CFAP20DC: variants seen among roughly 807,000 people sequenced by gnomAD.
The protein encoded by CFAP20DC is protein CFAP20DC.
Under a neutral mutation model 101.7 loss-of-function variants are expected in CFAP20DC, and 84 were observed. That is an observed-to-expected ratio of 0.83 (90% confidence interval 0.69 to 0.99). The LOEUF is 0.99. Ranked by LOEUF, CFAP20DC falls within the 50% of genes least tolerant of loss-of-function variation. The pLI is 0.00. For synonymous variants in CFAP20DC, 359 were observed against 351.2 expected, an observed-to-expected ratio of 1.02 and a Z score of -0.25; for missense variants, 1,007 against 970.3, an observed-to-expected ratio of 1.04 and a Z score of -0.50.
rs547023324 is a variant in CFAP20DC at position 59,041,534 on chromosome 3, G to A, written c.206-1905C>T. Among the ~76,000 whole-genome samples the A allele has an allele frequency of 5.3e-4, 80 of 152,054 alleles. 1 individual carries two copies. The highest frequency in any genetic ancestry group is 1.8e-3 in the African/African-American group (76 of 41,496). On this transcript the variant is annotated intron_variant, in intron 3 of 16. Transcript: ENST00000482387. ...TCCAGTGGCTTAGTATATTTAAACT[G>A]ACTATTCATGTCTACATTATATTTA...
At chr3:58,873,342 A>G (rs148484550) in intron 7 of CFAP20DC, among the ~76,000 whole-genome samples, 3 of 147,590 alleles carry the variant, frequency 2.0e-5, no homozygotes, top group Admixed American at 6.7e-5. Context: ...CTGGATAGCT[A>G]TGCTGGATGC....
At chr3:58,902,468 A>G (rs1471748467) in intron 6 of CFAP20DC, among the ~76,000 whole-genome samples, 1 of 152,118 alleles carries the variant, frequency 6.6e-6, no homozygotes, top group African/African-American at 2.4e-5. Context: ...TTCCCATCCT[A>G]GTGGGTATTA....
Position 58,881,385 on chromosome 3 carries a change from A to C in CFAP20DC, c.715+3160T>G, listed in dbSNP as rs937537744. On this transcript the variant is annotated intron_variant, in intron 7 of 16. Transcript: ENST00000482387. ...CCAGATCTGATTCTCTGGTTCATTT[A>C]AACCGGGGTCCCATTAATGAAAATA... Among the ~76,000 whole-genome samples the C allele has an allele frequency of 2.0e-5, 3 of 152,150 alleles. No homozygotes were observed. The South Asian group carries it at 6.2e-4, about 32-fold the overall frequency.
chr3:58,985,412 T>G (rs1450566757), intron 4 of CFAP20DC, among the ~76,000 whole-genome samples: 3 of 151,714 alleles, frequency 2.0e-5, no homozygotes, highest in Non-Finnish European at 2.9e-5. Flanking sequence ...CCATATCTAG[T>G]TTTTTTTTCT....
chr3:58,751,833 C>T (rs564260191), intron 16 of CFAP20DC, among the ~76,000 whole-genome samples: 17 of 142,092 alleles, frequency 1.2e-4, no homozygotes, highest in Admixed American at 6.1e-4. Flanking sequence ...TCAGTTTCCT[C>T]AGCTGTAACA....
At chr3:58,959,005 T>C (rs183343145) in intron 4 of CFAP20DC, among the ~76,000 whole-genome samples, 137 of 152,332 alleles carry the variant, frequency 9.0e-4, no homozygotes, top group Admixed American at 1.6e-3. Context: ...TATTTTAGTA[T>C]TATATCTACA....
At chr3:58,856,637 A>G (rs533518863) in intron 12 of CFAP20DC, among the ~76,000 whole-genome samples, 6 of 152,316 alleles carry the variant, frequency 3.9e-5, no homozygotes, top group South Asian at 4.1e-4. Flanking sequence ...AAAAATGCCC[A>G]GTGTTCTAAA....
chr3:58,962,262 T>C (rs1317458861), intron 4 of CFAP20DC, among the ~76,000 whole-genome samples: 1 of 152,116 alleles, frequency 6.6e-6, no homozygotes, highest in East Asian at 1.9e-4. Context: ...TTATTATTCA[T>C]CCTTTGACTC....
At chr3:58,765,042 C>T (rs913968225) in intron 15 of CFAP20DC, among the ~76,000 whole-genome samples, 5 of 151,934 alleles carry the variant, frequency 3.3e-5, no homozygotes, top group Non-Finnish European at 5.9e-5. Context: ...AAATCTTGGC[C>T]GTAAAGGAAT....
chr3:58,972,782 C>T (rs1490250191), intron 4 of CFAP20DC, among the ~76,000 whole-genome samples: 1 of 152,148 alleles, frequency 6.6e-6, no homozygotes, highest in East Asian at 1.9e-4. Flanking sequence ...AAAGTGTTTA[C>T]ACGAGTTATA....
chr3:58,819,628 T>G (rs1335301161), intron 14 of CFAP20DC, among the ~76,000 whole-genome samples: 102 of 146,728 alleles, frequency 7.0e-4, no homozygotes, highest in African/African-American at 1.7e-3. Flanking sequence ...AATAACAGGA[T>G]CTGAAATTGT....
At chr3:58,829,992 T>C (rs2076289432) in intron 14 of CFAP20DC, among the ~76,000 whole-genome samples, 1 of 152,194 alleles carries the variant, frequency 6.6e-6, no homozygotes, top group African/African-American at 2.4e-5. Context: ...ATTGTACTGG[T>C]AAAAATCTGC....
At chr3:58,962,052 T>C (rs1483150390) in intron 4 of CFAP20DC, among the ~76,000 whole-genome samples, 1 of 152,224 alleles carries the variant, frequency 6.6e-6, no homozygotes, top group Non-Finnish European at 1.5e-5. Flanking sequence ...CCTTCTGCTT[T>C]CTTTGCATTT....
At position 58,795,909 on chromosome 3, in the gene CFAP20DC, T is replaced by G. The variant is rs1382771073; in HGVS notation, c.2237+10486A>C. On this transcript the variant is annotated intron_variant, in intron 15 of 16. Coordinates refer to ENST00000482387, the MANE Select transcript of CFAP20DC (RefSeq NM_001394063.1). The surrounding 1 kb of genome is among the most constrained non-coding windows in gnomAD (Gnocchi z 4.2). ...AAGTCCCAGTGGCCCAAAAGAGACC[T>G]GGTCAGAGAGGAGGCAGGTGTCTCA... Among the ~76,000 whole-genome samples, 1 of 152,118 alleles carries G rather than the reference T, an allele frequency of 6.6e-6. No individual in the cohort carries two copies. Among genetic ancestry groups the G allele is most frequent in the African/African-American group, 2.4e-5 (1 of 41,426 alleles).
intron 5 of CFAP20DC, among the ~76,000 whole-genome samples, chr3:58,925,222 G>A (rs1179829982): frequency 6.6e-6 from 1 of 151,918 alleles, no homozygotes; most frequent in African/African-American, 2.4e-5. Flanking sequence ...CTACTGTGTT[G>A]TTGAGTTTCT....
chr3:58,821,258 C>G (rs1185070380), intron 14 of CFAP20DC, among the ~76,000 whole-genome samples: 1 of 152,154 alleles, frequency 6.6e-6, no homozygotes, highest in Non-Finnish European at 1.5e-5. Flanking sequence ...TACAAAACAA[C>G]AAAAGCAATG....
At chr3:58,961,383 G>A (rs999033594) in intron 4 of CFAP20DC, among the ~76,000 whole-genome samples, 6 of 152,016 alleles carry the variant, frequency 3.9e-5, no homozygotes, top group Non-Finnish European at 8.8e-5. Context: ...GTGAAACCCC[G>A]TCTCTACTAA....
In CFAP20DC at chr3:58,788,913, C is replaced by T. The variant is rs1310092090; in HGVS notation, c.2237+17482G>A. ...CATATACCAAAATCCTCAAGTTGGC[C>T]ATGCAGAACCCACATATATGAAAAA... On this transcript the variant is annotated intron_variant, in intron 15 of 16. Coordinates refer to ENST00000482387, the MANE Select transcript of CFAP20DC (RefSeq NM_001394063.1). The surrounding 1 kb of genome is among the most constrained non-coding windows in gnomAD (Gnocchi z 4.2). Among the ~76,000 whole-genome samples, 1 of 152,036 alleles carries T rather than the reference C, an allele frequency of 6.6e-6. No individual in the cohort carries two copies. The highest frequency in any genetic ancestry group is 1.5e-5 in the Non-Finnish European group (1 of 67,988).
intron 3 of CFAP20DC, among the ~76,000 whole-genome samples, chr3:59,043,217 G>A (rs1699551365): frequency 6.6e-6 from 1 of 151,334 alleles, no homozygotes; most frequent in Non-Finnish European, 1.5e-5. Context: ...GAGTGCCAAC[G>A]ACTGAGTCCA....
Sources: allele counts gnomAD v4.1 joint callset (sites outside exome capture counted in the v4.1 genomes callset), GRCh38; gene constraint gnomAD v4.1.1; non-coding constraint Gnocchi (gnomAD v3.1); transcripts MANE v1.5; gene names NCBI Gene and HGNC (gene_info 2026-07-23, HGNC 2026-07-21).